Variants in ULK4 observed in about 807,000 individuals in gnomAD.
ULK4 encodes the protein inactive serine/threonine-protein kinase ULK4.
ULK4 carries 133 observed loss-of-function variants against 160.6 expected under a neutral mutation model. The ratio of observed to expected loss-of-function variants is 0.83; its 90% confidence interval spans 0.72 to 0.96. ULK4 has a LOEUF of 0.96. ULK4 is among the 40% of genes least tolerant of loss of function. The pLI, the probability that ULK4 is intolerant of heterozygous loss-of-function variation, is 0.00. For missense variants in ULK4, 1,580 were observed against 1,499.5 expected (o/e 1.05, Z -0.89); for synonymous variants, 534 against 539.8 (o/e 0.99, Z 0.15).
chr3:41,882,116 A>G (rs1250297502), intron 17 of ULK4: 1 of 685,868 alleles, frequency 1.5e-6, no homozygotes, highest in Non-Finnish European at 2.7e-6. Context: ...AGCAAAACAC[A>G]CCATCTTCCA....
At chr3:41,653,111 C>T (rs2034805930) in intron 30 of ULK4, among the ~76,000 whole-genome samples, 1 of 152,116 alleles carries the variant, frequency 6.6e-6, no homozygotes, top group South Asian at 2.1e-4. Flanking sequence ...AACTAGCCTT[C>T]GGGCATATCT....
At chr3:41,782,343 A>G (rs1333301949) in intron 21 of ULK4, among the ~76,000 whole-genome samples, 1 of 152,038 alleles carries the variant, frequency 6.6e-6, no homozygotes, top group East Asian at 1.9e-4. Flanking sequence ...TCTACCAGAC[A>G]CTCTGATGTC....
At chr3:41,400,996 C>A (rs1364043799) in intron 34 of ULK4, among the ~76,000 whole-genome samples, 1 of 152,070 alleles carries the variant, frequency 6.6e-6, no homozygotes, top group East Asian at 1.9e-4. Context: ...GTGTTTGATT[C>A]TTTATTCTTG....
chr3:41,684,319 G>A (rs2036027737), intron 27 of ULK4, among the ~76,000 whole-genome samples: 1 of 152,218 alleles, frequency 6.6e-6, no homozygotes, highest in Admixed American at 6.5e-5. Context: ...ATAATTGTTT[G>A]TCTCAAGGTC....
chr3:41,715,597 G>C, intron 23 of ULK4, 29 bp from the exon 24 acceptor site: 2 of 1,613,608 alleles, frequency 1.2e-6, no homozygotes, highest in Non-Finnish European at 1.7e-6. Flanking sequence ...AGCATATGTG[G>C]AGGTTAAAAA....
intron 17 of ULK4, among the ~76,000 whole-genome samples, chr3:41,880,715 G>A (rs568562634): frequency 6.6e-6 from 1 of 152,126 alleles, no homozygotes. Flanking sequence ...CTTGAGGCCA[G>A]GAGTTCAAGA....
chr3:41,572,122 T>C lies in ULK4; in HGVS notation c.3121-5992A>G, dbSNP rs1235881732. Among the ~76,000 whole-genome samples, 3 of 152,318 alleles carry C rather than the reference T, an allele frequency of 2.0e-5. No individual in the cohort carries two copies. The East Asian group carries it at 5.8e-4, about 29-fold the overall frequency. ...AAGAATTGAGGTTAGTGAAGTCAAG[T>C]GTAACTTGCCAAACTCTTCATTGGT... On this transcript the variant is annotated intron_variant, in intron 31 of 36. Transcript: ENST00000301831.
chr3:41,896,368 C>T (rs1698157211), intron 15 of ULK4, among the ~76,000 whole-genome samples: 2 of 152,156 alleles, frequency 1.3e-5, no homozygotes, highest in South Asian at 4.1e-4. Context: ...GATTCTCCTG[C>T]CTCAGCCTCC....
chr3:41,626,418 C>G (rs1195345217), intron 30 of ULK4, among the ~76,000 whole-genome samples: 1 of 151,726 alleles, frequency 6.6e-6, no homozygotes, highest in East Asian at 1.9e-4. Context: ...AAGCTACAAG[C>G]ACAAATTGAT....
intron 18 of ULK4, 32 bp downstream of exon 18, chr3:41,835,832 A>G: frequency 6.7e-7 from 1 of 1,495,006 alleles, no homozygotes; most frequent in Non-Finnish European, 9.2e-7. Context: ...AGAACATGTC[A>G]AACAGCAACA....
chr3:41,317,951 G>A (rs1234325101), intron 35 of ULK4, among the ~76,000 whole-genome samples: 1 of 152,242 alleles, frequency 6.6e-6, no homozygotes, highest in East Asian at 1.9e-4. Flanking sequence ...CACAAATGCT[G>A]CAGGGAATTA....
chr3:41,789,892 T>C (rs753333207), intron 20 of ULK4, 49 bp from the exon 21 acceptor site: 1 of 1,436,882 alleles, frequency 7.0e-7, no homozygotes, highest in Non-Finnish European at 9.3e-7. Flanking sequence ...AGTGCATCAA[T>C]CATTCCCCTG....
intron 30 of ULK4, among the ~76,000 whole-genome samples, chr3:41,629,193 C>G (rs2033650502): frequency 6.6e-6 from 1 of 152,104 alleles, no homozygotes; most frequent in Non-Finnish European, 1.5e-5. Flanking sequence ...GATGACTCGT[C>G]TTTGTTTCAT....
At chr3:41,825,461 C>T (rs2041312815) in intron 18 of ULK4, among the ~76,000 whole-genome samples, 1 of 152,132 alleles carries the variant, frequency 6.6e-6, no homozygotes, top group Non-Finnish European at 1.5e-5. Context: ...GCAGAGAAGT[C>T]CTTAAAGGAC....
intron 21 of ULK4, among the ~76,000 whole-genome samples, chr3:41,759,220 G>A (rs2038907120): frequency 1.3e-5 from 2 of 151,428 alleles, no homozygotes; most frequent in Admixed American, 1.3e-4. Context: ...ATTTAGATTT[G>A]AATGAAAGAA....
intron 32 of ULK4, among the ~76,000 whole-genome samples, chr3:41,478,178 AGG>A (rs1485117420): frequency 6.6e-6 from 1 of 152,226 alleles, no homozygotes; most frequent in Non-Finnish European, 1.5e-5. Flanking sequence ...AGTCAGGGGA[AGG>A]ACATCAAACA....
At chr3:41,407,067 A>G (rs1390528448) in intron 34 of ULK4, among the ~76,000 whole-genome samples, 5 of 152,216 alleles carry the variant, frequency 3.3e-5, no homozygotes, top group African/African-American at 1.2e-4. Flanking sequence ...GGACAAGTTT[A>G]TAGGACAAGG....
chr3:41,539,649 A>G (rs2086628352), intron 32 of ULK4, among the ~76,000 whole-genome samples: 1 of 152,206 alleles, frequency 6.6e-6, no homozygotes, highest in South Asian at 2.1e-4. Context: ...CCTGACAATT[A>G]TAGCTTCATT....
chr3:41,377,938 A>G (rs371187577), intron 35 of ULK4, among the ~76,000 whole-genome samples: 10 of 151,398 alleles, frequency 6.6e-5, no homozygotes, highest in Admixed American at 2.0e-4. Flanking sequence ...TGTTTATTGC[A>G]GCACTATTCA....
Sources: allele counts gnomAD v4.1 joint callset (sites outside exome capture counted in the v4.1 genomes callset), GRCh38; gene constraint gnomAD v4.1.1; transcripts MANE v1.5; gene names NCBI Gene and HGNC (gene_info 2026-07-23, HGNC 2026-07-21).